The following TIGAR variants were observed in gnomAD, a reference collection of about 807,000 sequenced individuals.
The protein encoded by TIGAR is fructose-2,6-bisphosphatase TIGAR.
Under a neutral mutation model 17.9 loss-of-function variants are expected in TIGAR, and 7 were observed. That is an observed-to-expected ratio of 0.39 (90% CI 0.22 to 0.73). The LOEUF (loss-of-function observed/expected upper bound fraction) is 0.73, where lower values mean the gene tolerates loss of function less well. TIGAR is among the 30% of genes least tolerant of loss of function. The pLI, the probability that TIGAR is intolerant of heterozygous loss-of-function variation, is 0.42. For synonymous variants in TIGAR, 94 were observed against 108.6 expected, an observed-to-expected ratio of 0.87 and a Z score of 0.84; for missense variants, 258 against 327.4, an observed-to-expected ratio of 0.79 and a Z score of 1.64.
Position 4,350,797 on chromosome 12 carries a change from A to G in TIGAR, c.271-470A>G, listed in dbSNP as rs934062402. 9.2e-5 allele frequency among the ~76,000 whole-genome samples: 14 copies of G among 151,972 alleles called. 1 individual carries two copies. The highest frequency in any genetic ancestry group is 7.9e-4 in the Admixed American group (12 of 15,242). On this transcript the variant is annotated intron_variant, in intron 4 of 5. Transcript: ENST00000179259. The stretch of plus-strand genomic sequence containing the variant: ...GTCTCAAAAAAAAAAAAAAGAAAAA[A>G]AAAGAAATAGATCTCTCATGTTAGC...
chr12:4,337,230 A>G (rs1864669911), intron 3 of TIGAR, 70 bp downstream of exon 3: 3 of 1,229,554 alleles, frequency 2.4e-6, no homozygotes, highest in Admixed American at 4.3e-5. Flanking sequence ...GCAGTGGTGC[A>G]GTCTCTGTTC....
At chr12:4,340,128 T>C (rs1864703962) in intron 3 of TIGAR, among the ~76,000 whole-genome samples, 1 of 152,192 alleles carries the variant, frequency 6.6e-6, no homozygotes, top group African/African-American at 2.4e-5. Context: ...CAAATTATCC[T>C]TGTTTGCAGA....
At chr12:4,346,104 C>T (rs1303025257) in intron 3 of TIGAR, among the ~76,000 whole-genome samples, 1 of 152,170 alleles carries the variant, frequency 6.6e-6, no homozygotes, top group Non-Finnish European at 1.5e-5. Flanking sequence ...AGTCAGGAAA[C>T]AACAGGTGCT....
At position 4,324,323 on chromosome 12, in the gene TIGAR, C is replaced by CTTTT. The variant is rs34096957; in HGVS notation, c.32+3034_32+3037dup. 721 of 627,080 alleles carry CTTTT rather than the reference C, an allele frequency of 1.1e-3. 1 individual carries two copies. The highest frequency in any genetic ancestry group is 4.3e-3 in the East Asian group (153 of 35,330). 38.8% of individuals were successfully genotyped at this position (627,080 alleles called of 1,614,324 possible). Reference sequence around the variant, plus strand: ...CCGGCAAAACCATCCATTTAACTTCCTTTTTTTTTTTTTTTTTGGAAATAT... The same window carrying CTTTT: ...CCGGCAAAACCATCCATTTAACTTCCTTTTTTTTTTTTTTTTTTTTTGGAAATAT... On this transcript the variant is annotated intron_variant, in intron 1 of 5. Coordinates refer to ENST00000179259, the MANE Select transcript of TIGAR (RefSeq NM_020375.3).
At chr12:4,331,532 C>T (rs575329198) in intron 2 of TIGAR, among the ~76,000 whole-genome samples, 30 of 152,274 alleles carry the variant, frequency 2.0e-4, no homozygotes, top group Non-Finnish European at 3.7e-4. Flanking sequence ...AAGTACAGGT[C>T]TCCAAGTTAT....
In TIGAR at chr12:4,337,111, A is replaced by G; in HGVS notation, c.143A>G (p.Asn48Ser). Residue 48 changes from asparagine (N) to serine (S), a missense_variant, in exon 3 of 6, where the codon AAT (asparagine) becomes AGT (serine). Coordinates refer to ENST00000179259, the MANE Select transcript of TIGAR (RefSeq NM_020375.3). ...GCAGCTGCTGGTATATTTCTGAATA[A>G]TGTGAAGTTTACTCATGCTTTCTCC... is the stretch of plus-strand genomic sequence containing the variant. The part of the protein sequence containing the change: ...QAAAAGIFLN[N>S]VKFTHAFSSD... 6.2e-7 allele frequency: 1 copy of G among 1,613,742 alleles called. No homozygotes were observed. The highest frequency in any genetic ancestry group is 8.5e-7 in the Non-Finnish European group (1 of 1,179,636).
intron 1 of TIGAR, among the ~76,000 whole-genome samples, chr12:4,323,569 C>T (rs1460146452): frequency 1.3e-5 from 2 of 152,166 alleles, no homozygotes; most frequent in Non-Finnish European, 2.9e-5. Flanking sequence ...GAGACAGAGA[C>T]GCCTTGTAAC....
chr12:4,331,639 T>C (rs1473305143), intron 2 of TIGAR, among the ~76,000 whole-genome samples: 5 of 152,342 alleles, frequency 3.3e-5, no homozygotes, highest in African/African-American at 1.2e-4. Flanking sequence ...AATTATTTTA[T>C]ATTTGGAAAC....
Position 4,357,291 on chromosome 12 carries a change from A to G in TIGAR, c.*4600A>G, listed in dbSNP as rs1185935697. Among the ~76,000 whole-genome samples, 6 of 152,378 alleles carry G rather than the reference A, an allele frequency of 3.9e-5. No homozygotes were observed. In the East Asian group the frequency reaches 1.2e-3, roughly 29 times the overall value. On this transcript the variant is annotated 3_prime_UTR_variant, in exon 6 of 6. Transcript: ENST00000179259. ...TATATGTCTTCACTATATTAAGGTC[A>G]GTCACAATTTAATTGAAATAGATCA...
At chr12:4,342,311 T>C (rs952638173) in intron 3 of TIGAR, among the ~76,000 whole-genome samples, 1 of 152,210 alleles carries the variant, frequency 6.6e-6, no homozygotes, top group African/African-American at 2.4e-5. Context: ...GAAAACACTC[T>C]GCAGCATATT....
intron 1 of TIGAR, among the ~76,000 whole-genome samples, chr12:4,323,043 A>G (rs1864497876): frequency 6.6e-6 from 1 of 150,876 alleles, no homozygotes. Flanking sequence ...AAGTGGGTGG[A>G]TCCCTTGAGC....
intron 3 of TIGAR, among the ~76,000 whole-genome samples, chr12:4,347,155 A>C (rs938136041): frequency 4.6e-5 from 7 of 152,254 alleles, no homozygotes; most frequent in Non-Finnish European, 1.0e-4. Context: ...CCAAATGTCC[A>C]TCAGCAGATG....
rs1464146294 is a variant in TIGAR at position 4,352,413 on chromosome 12, A to G, written c.535A>G (p.Lys179Glu). Reference protein sequence around the residue: ...IFPLGKNHSSKVNSDSGIPGL... With the variant: ...IFPLGKNHSSEVNSDSGIPGL... Reference sequence around the variant, plus strand: ...TCCTTTAGGAAAAAATCACAGCTCTAAAGTTAATTCAGACAGCGGTATTCC... The same window carrying G: ...TCCTTTAGGAAAAAATCACAGCTCTGAAGTTAATTCAGACAGCGGTATTCC... Residue 179 changes from lysine to glutamate, a missense_variant, in exon 6 of 6, where the codon AAA (lysine) becomes GAA (glutamate). Physicochemically the swap from Lys to Glu is moderately conservative, Grantham distance 56. Transcript: ENST00000179259. 4.3e-6 allele frequency: 7 copies of G among 1,614,190 alleles called. No homozygotes were observed. The African/African-American group carries it at 6.7e-5, about 15-fold the overall frequency.
intron 1 of TIGAR, among the ~76,000 whole-genome samples, chr12:4,322,613 C>T (rs758234323): frequency 2.0e-5 from 3 of 152,170 alleles, no homozygotes; most frequent in Non-Finnish European, 2.9e-5. Flanking sequence ...AAATAACATA[C>T]CATTTCTGCA....
At chr12:4,342,507 A>G (rs1276009103) in intron 3 of TIGAR, among the ~76,000 whole-genome samples, 1 of 152,248 alleles carries the variant, frequency 6.6e-6, no homozygotes. Context: ...TTACCCACAA[A>G]GGGAACCCCA....
At position 4,355,594 on chromosome 12, in the gene TIGAR, T is replaced by C. The variant is rs999414484; in HGVS notation, c.*2903T>C. Among the ~76,000 whole-genome samples, 1 of 152,228 alleles carries C rather than the reference T, an allele frequency of 6.6e-6. No individual in the cohort carries two copies. Among genetic ancestry groups the C allele is most frequent in the African/African-American group, 2.4e-5 (1 of 41,456 alleles). ...ATCTCTTCATCTATTCAATACGTATTTTTTGAGCATGGCACACACATGCCA... is the reference window on the plus strand; with the variant it reads ...ATCTCTTCATCTATTCAATACGTATCTTTTGAGCATGGCACACACATGCCA... On this transcript the variant is annotated 3_prime_UTR_variant, in exon 6 of 6. Coordinates refer to ENST00000179259, the MANE Select transcript of TIGAR (RefSeq NM_020375.3).
At chr12:4,325,013 G>A (rs1006494745) in intron 1 of TIGAR, among the ~76,000 whole-genome samples, 1 of 146,656 alleles carries the variant, frequency 6.8e-6, no homozygotes, top group Non-Finnish European at 1.5e-5. Context: ...CATGATCTCC[G>A]CTCGCCACAA....
intron 1 of TIGAR, among the ~76,000 whole-genome samples, chr12:4,328,141 A>G (rs1014785791): frequency 2.0e-5 from 3 of 152,176 alleles, no homozygotes; most frequent in African/African-American, 7.2e-5. Flanking sequence ...GTAGAGGCTA[A>G]TATCCTCTTT....
intron 2 of TIGAR, among the ~76,000 whole-genome samples, chr12:4,333,342 T>G (rs1365688594): frequency 6.6e-6 from 1 of 150,966 alleles, no homozygotes; most frequent in African/African-American, 2.4e-5. Context: ...CAGGGTGGAG[T>G]GCAATGGCGC....
Sources: gnomAD v4.1 joint callset for allele counts (sites outside exome capture counted in the v4.1 genomes callset) on GRCh38, gnomAD v4.1.1 for gene constraint, MANE v1.5 for transcripts, NCBI Gene and HGNC (gene_info 2026-07-23, HGNC 2026-07-21) for gene names.